The following HUNK variants were observed in gnomAD, a reference collection of about 807,000 sequenced individuals.
HUNK encodes the protein hormonally up-regulated Neu-associated kinase, also known as hormonally up-regulated neu tumor-associated kinase.
A neutral mutation model predicts 61.0 loss-of-function variants in HUNK; 21 were observed. The observed-to-expected ratio is 0.34, with a 90% confidence interval of 0.24 to 0.50. The LOEUF is 0.50. HUNK is among the 20% of genes least tolerant of loss of function. The probability of loss-of-function intolerance (pLI) is 0.98; values close to 1 mark genes in which losing one functional copy is unlikely to be tolerated. For synonymous variants in HUNK, 371 were observed against 386.1 expected (o/e 0.96, Z 0.46); for missense variants, 772 against 945.7 (o/e 0.82, Z 2.41).
At chr21:31,889,535 A>C (rs2052371782) in intron 1 of HUNK, among the ~76,000 whole-genome samples, 1 of 152,226 alleles carries the variant, frequency 6.6e-6, no homozygotes. Context: ...CTCAGTTCTC[A>C]GTTGAACATT....
At chr21:31,969,778 G>C (rs2052997316) in intron 6 of HUNK, among the ~76,000 whole-genome samples, 1 of 152,094 alleles carries the variant, frequency 6.6e-6, no homozygotes, top group East Asian at 1.9e-4. Flanking sequence ...TGTTGCCCAG[G>C]CTGGTCTCAA....
At chr21:31,906,911 AC>A (rs1568921908) in intron 1 of HUNK, among the ~76,000 whole-genome samples, 1 of 151,774 alleles carries the variant, frequency 6.6e-6, no homozygotes, top group Admixed American at 6.6e-5. Flanking sequence ...GTGGTGGCTC[AC>A]ACCTGTAATC....
Position 31,946,123 on chromosome 21 carries a change from A to C in HUNK, c.698A>C (p.Glu233Ala). The change falls in exon 4 of 11, where the codon GAA becomes GCA. Residue 233 changes from glutamate to alanine, a missense_variant. Coordinates refer to ENST00000270112, the MANE Select transcript of HUNK (RefSeq NM_014586.2). ...QCGSPAYAAP[E>A]LLARKKYGPK... ...GGCAGCCCTGCCTACGCTGCACCTG[A>C]ACTGCTCGCCAGGAAGAAATACGGC... The C allele has an allele frequency of 6.2e-7, 1 of 1,613,348 alleles. No individual in the cohort carries two copies. The highest frequency in any genetic ancestry group is 8.5e-7 in the Non-Finnish European group (1 of 1,179,330).
At chr21:31,970,991 A>C (rs1046293411) in intron 6 of HUNK, among the ~76,000 whole-genome samples, 3 of 152,214 alleles carry the variant, frequency 2.0e-5, no homozygotes, top group African/African-American at 7.2e-5. Context: ...TGTGTGTATA[A>C]GGCCCATTGC....
intron 1 of HUNK, among the ~76,000 whole-genome samples, chr21:31,921,175 A>G (rs1333879831): frequency 6.6e-6 from 1 of 150,750 alleles, no homozygotes. Flanking sequence ...AAAAAAAAAA[A>G]AAAAAAAGAA....
At chr21:31,942,402 G>T (rs951062688) in intron 3 of HUNK, among the ~76,000 whole-genome samples, 1 of 152,232 alleles carries the variant, frequency 6.6e-6, no homozygotes, top group African/African-American at 2.4e-5. Flanking sequence ...ATAAGCAATG[G>T]TGAAATGCAC....
intron 1 of HUNK, among the ~76,000 whole-genome samples, chr21:31,898,562 C>T (rs938694112): frequency 6.6e-5 from 10 of 152,242 alleles, no homozygotes; most frequent in Admixed American, 2.6e-4. Flanking sequence ...CCACCACGCC[C>T]GGCCGTGGAT....
intron 1 of HUNK, among the ~76,000 whole-genome samples, chr21:31,892,757 G>T (rs2052400082): frequency 6.6e-6 from 1 of 152,070 alleles, no homozygotes; most frequent in Non-Finnish European, 1.5e-5. Context: ...AGGATAAAGG[G>T]AGGTGAGGAA....
intron 9 of HUNK, among the ~76,000 whole-genome samples, chr21:31,994,880 G>A (rs772400950): frequency 6.6e-6 from 1 of 152,246 alleles, no homozygotes; most frequent in Non-Finnish European, 1.5e-5. Flanking sequence ...ACTGCCAAGC[G>A]TTTTGGCTCA....
At chr21:31,975,313 C>G (rs2053041113) in intron 7 of HUNK, among the ~76,000 whole-genome samples, 1 of 152,068 alleles carries the variant, frequency 6.6e-6, no homozygotes, top group Admixed American at 6.6e-5. Context: ...ACACCCTGTC[C>G]CCTTCATCAT....
At chr21:31,991,503 G>A (rs907659739) in intron 9 of HUNK, among the ~76,000 whole-genome samples, 5 of 152,198 alleles carry the variant, frequency 3.3e-5, no homozygotes, top group African/African-American at 9.7e-5. Context: ...ACAAGCATGA[G>A]CCACTGCGCC....
chr21:31,948,947 G>A (rs1025732229), intron 4 of HUNK, among the ~76,000 whole-genome samples: 6 of 152,222 alleles, frequency 3.9e-5, no homozygotes, highest in African/African-American at 9.6e-5. Context: ...GCTTGTCAGC[G>A]AGGAGGTGAA....
chr21:31,911,131 C>A (rs1028946951), intron 1 of HUNK, among the ~76,000 whole-genome samples: 1 of 152,192 alleles, frequency 6.6e-6, no homozygotes, highest in Middle Eastern at 3.2e-3. Context: ...TCCAACTGCA[C>A]GTGGATTCAT....
rs1481952872 is a variant in HUNK, at chr21:32,000,335, A to C, written c.*1151A>C. 5.0e-6 allele frequency: 2 copies of C among 399,096 alleles called. No homozygotes were observed. The highest frequency in any genetic ancestry group is 8.8e-5 in the Admixed American group (2 of 22,742). 24.7% of individuals were successfully genotyped at this position (399,096 alleles called of 1,614,324 possible). On this transcript the variant is annotated 3_prime_UTR_variant, in exon 11 of 11. Transcript: ENST00000270112. ...ATACAGGCCAGTTTCTTCTTCGAGG[A>C]AAGCCAAGCTCCTCAAACAGGGTTC...
intron 2 of HUNK, among the ~76,000 whole-genome samples, chr21:31,934,383 C>T (rs1422144176): frequency 1.4e-5 from 2 of 142,276 alleles, no homozygotes; most frequent in Non-Finnish European, 3.0e-5. Flanking sequence ...GCGGAACTTG[C>T]AGTGAGCTGA....
chr21:31,975,581 A>G (rs553492429), intron 7 of HUNK, among the ~76,000 whole-genome samples: 2 of 152,182 alleles, frequency 1.3e-5, no homozygotes, highest in Admixed American at 1.3e-4. Context: ...ACGAGGGACC[A>G]CCTTCACCCT....
At chr21:31,893,994 T>G (rs2052408816) in intron 1 of HUNK, among the ~76,000 whole-genome samples, 1 of 152,222 alleles carries the variant, frequency 6.6e-6, no homozygotes. Context: ...ATCTCTGGGT[T>G]TCCAATTCCT....
Position 31,990,217 on chromosome 21 carries a change from A to G in HUNK, c.1305+41A>G, listed in dbSNP as rs746741202. On this transcript the variant is annotated intron_variant, in intron 9 of 10. Transcript: ENST00000270112. ...ATTATTATGTTAGTCAGGGTTCTCCAGAGAAACAGAACCAATAGAGTATGG... is the reference window on the plus strand; with the variant it reads ...ATTATTATGTTAGTCAGGGTTCTCCGGAGAAACAGAACCAATAGAGTATGG... 3.3e-6 allele frequency: 5 copies of G among 1,532,470 alleles called. No individual in the cohort carries two copies. The East Asian group carries it at 9.0e-5, about 28-fold the overall frequency. The allele number at this position is 1,532,470 out of a possible 1,614,324, so 94.9% of individuals were successfully genotyped here.
At chr21:31,881,392 C>A (rs9981027) in intron 1 of HUNK, among the ~76,000 whole-genome samples, 1 of 151,924 alleles carries the variant, frequency 6.6e-6, no homozygotes, top group Non-Finnish European at 1.5e-5. Flanking sequence ...TTTGGGAGGC[C>A]GAGGGAGGCA....
Sources: allele counts gnomAD v4.1 joint callset (sites outside exome capture counted in the v4.1 genomes callset), GRCh38; gene constraint gnomAD v4.1.1; transcripts MANE v1.5; gene names NCBI Gene and HGNC (gene_info 2026-07-23, HGNC 2026-07-21).